TRIO: variants seen among roughly 807,000 people sequenced by gnomAD.
The protein encoded by TRIO is triple functional domain protein.
In TRIO, 58 loss-of-function variants were observed where a neutral mutation model predicts 351.9. That is an observed-to-expected ratio of 0.16 (90% CI 0.13 to 0.21). TRIO has a LOEUF of 0.21. Among genes scored for constraint, TRIO ranks in the 10% least tolerant of loss-of-function variants. The probability of loss-of-function intolerance (pLI) is 1.00; values close to 1 mark genes in which losing one functional copy is unlikely to be tolerated. For synonymous variants in TRIO, 1,758 were observed against 1,595.7 expected, an observed-to-expected ratio of 1.10 and a Z score of -2.42; for missense variants, 3,201 against 4,027.8, an observed-to-expected ratio of 0.79 and a Z score of 5.56.
intron 8 of TRIO, 24 bp downstream of exon 8, chr5:14,304,616 T>C (rs781295961): frequency 6.3e-7 from 1 of 1,599,168 alleles, no homozygotes; most frequent in Non-Finnish European, 8.5e-7. Flanking sequence ...TTTACTTACA[T>C]TGCAAAGCAG....
At chr5:14,481,307 G>A (rs1755493920) in intron 44 of TRIO, 23 bp downstream of exon 44, 1 of 1,611,986 alleles carries the variant, frequency 6.2e-7, no homozygotes, top group Admixed American at 1.7e-5. Context: ...GCGGCTGTGG[G>A]CACCCAAATC....
chr5:14,504,397 A>C lies in TRIO; in HGVS notation c.8416A>C (p.Arg2806=). 6.2e-7 allele frequency: 1 copy of C among 1,614,174 alleles called. No individual in the cohort carries two copies. The highest frequency in any genetic ancestry group is 1.1e-5 in the South Asian group (1 of 91,078). Reference sequence around the variant, plus strand: ...TCCCCCTGACATATTTTACAGGGGCAGATTCTCTGTCGTTAAGAAATGTGA... The same window carrying C: ...TCCCCCTGACATATTTTACAGGGGCCGATTCTCTGTCGTTAAGAAATGTGA... ...YSEVAELGRG[R]FSVVKKCDQK... The change falls in exon 55 of 57, where the codon AGA becomes CGA. Residue 2806 remains arginine (R), a synonymous_variant. Transcript: ENST00000344204.
chr5:14,510,125 A>T lies in TRIO; in HGVS notation c.*1703A>T, dbSNP rs1184547165. On this transcript the variant is annotated 3_prime_UTR_variant, in exon 57 of 57. Transcript: ENST00000344204. ...GTATATTTCTTTGTACAGAGACCTTACATGTTTACACAGTATGATGTGATG... is the reference window on the plus strand; with the variant it reads ...GTATATTTCTTTGTACAGAGACCTTTCATGTTTACACAGTATGATGTGATG... 6.6e-6 allele frequency: 1 copy of T among 152,232 alleles called. No homozygotes were observed. The highest frequency in any genetic ancestry group is 1.5e-5 in the Non-Finnish European group (1 of 68,042). The allele number at this position is 152,232 out of a possible 1,614,324, so 9.4% of individuals were successfully genotyped here.
intron 8 of TRIO, among the ~76,000 whole-genome samples, chr5:14,305,139 T>TCTGTTCCTG (rs773733005): frequency 1.7e-4 from 26 of 152,358 alleles, no homozygotes; most frequent in Non-Finnish European, 3.1e-4. Flanking sequence ...ACGTACTGTA[T>TCTGTTCCTG]CTGTTCCTGC....
At chr5:14,408,541 C>T (rs1748914436) in intron 33 of TRIO, among the ~76,000 whole-genome samples, 1 of 152,194 alleles carries the variant, frequency 6.6e-6, no homozygotes. Flanking sequence ...TAGCATTTCT[C>T]TCCGAGACCC....
chr5:14,454,025 G>A (rs1295639511), intron 34 of TRIO, among the ~76,000 whole-genome samples: 1 of 152,210 alleles, frequency 6.6e-6, no homozygotes, highest in East Asian at 1.9e-4. Flanking sequence ...TGCCTCCTGG[G>A]TTCAAGCGAC....
chr5:14,307,779 C>T (rs1161531107), intron 8 of TRIO, among the ~76,000 whole-genome samples: 1 of 152,230 alleles, frequency 6.6e-6, no homozygotes, highest in Non-Finnish European at 1.5e-5. Flanking sequence ...CTGCCCATAG[C>T]AGCCACCACT....
At chr5:14,236,967 T>C (rs1375720158) in intron 1 of TRIO, among the ~76,000 whole-genome samples, 1 of 152,174 alleles carries the variant, frequency 6.6e-6, no homozygotes, top group African/African-American at 2.4e-5. Context: ...TCTCAGCCTC[T>C]CCTGTTACAC....
At chr5:14,280,085 GA>G (rs1581515535) in intron 2 of TRIO, among the ~76,000 whole-genome samples, 1 of 152,276 alleles carries the variant, frequency 6.6e-6, no homozygotes, top group East Asian at 1.9e-4. Flanking sequence ...AACATTGGAA[GA>G]AAAAGACAAG....
chr5:14,472,525 G>A lies in TRIO; in HGVS notation c.5913-67G>A, dbSNP rs1279615505. Reference sequence around the variant, plus strand: ...CCTGGAAGGAGTCCATCTTGACCAGGAGCAAAGGTACAAAAAAATTCATTT... The same window carrying A: ...CCTGGAAGGAGTCCATCTTGACCAGAAGCAAAGGTACAAAAAAATTCATTT... On this transcript the variant is annotated intron_variant, in intron 38 of 56. Transcript: ENST00000344204. The A allele has an allele frequency of 1.6e-5, 25 of 1,561,130 alleles. No individual in the cohort carries two copies. The East Asian group carries it at 5.4e-4, about 34-fold the overall frequency.
rs1251161492 is a variant in TRIO, at chr5:14,388,594, C to G, written c.3882-19C>G. The G allele has an allele frequency of 6.2e-7, 1 of 1,608,844 alleles. No homozygotes were observed. The highest frequency in any genetic ancestry group is 1.1e-5 in the South Asian group (1 of 90,306). ...AGCTGCACCCTGACTGTACTCCTCA[C>G]TGTCTTCCTCTCTTTAAGGTTCATA... On this transcript the variant is annotated intron_variant, in intron 23 of 56. Coordinates refer to ENST00000344204, the MANE Select transcript of TRIO (RefSeq NM_007118.4).
chr5:14,452,337 G>T (rs1025140396), intron 34 of TRIO, among the ~76,000 whole-genome samples: 12 of 152,202 alleles, frequency 7.9e-5, no homozygotes, highest in African/African-American at 2.9e-4. Flanking sequence ...CTCATACTGT[G>T]TTAGGCTATA....
intron 1 of TRIO, among the ~76,000 whole-genome samples, chr5:14,189,265 T>C (rs1790318481): frequency 6.6e-6 from 1 of 152,222 alleles, no homozygotes; most frequent in Admixed American, 6.5e-5. Context: ...CTGTCCACTT[T>C]TGAATACATG....
At chr5:14,400,214 A>G (rs529085249) in intron 30 of TRIO, among the ~76,000 whole-genome samples, 20 of 152,372 alleles carry the variant, frequency 1.3e-4, no homozygotes, top group Admixed American at 1.3e-3. Flanking sequence ...TAGTAATTTC[A>G]TTAGCTGGCT....
At chr5:14,267,828 G>A (rs1014072896) in intron 1 of TRIO, among the ~76,000 whole-genome samples, 1 of 151,838 alleles carries the variant, frequency 6.6e-6, no homozygotes, top group Admixed American at 6.6e-5. Flanking sequence ...CCACAATAAT[G>A]ACAAACTCAA....
intron 1 of TRIO, among the ~76,000 whole-genome samples, chr5:14,243,715 A>G (rs983789386): frequency 2.6e-5 from 4 of 152,232 alleles, no homozygotes; most frequent in Non-Finnish European, 4.4e-5. Context: ...AGGTGCATTA[A>G]AAGACCATAT....
intron 21 of TRIO, among the ~76,000 whole-genome samples, chr5:14,385,158 G>A (rs1000174638): frequency 8.5e-5 from 13 of 152,166 alleles, no homozygotes; most frequent in African/African-American, 1.9e-4. Flanking sequence ...AGAGGCCTCC[G>A]GTGGCATCTT....
chr5:14,156,954 A>G (rs781097521), intron 1 of TRIO, among the ~76,000 whole-genome samples: 1 of 152,250 alleles, frequency 6.6e-6, no homozygotes, highest in Non-Finnish European at 1.5e-5. Context: ...TTAATTTCAT[A>G]CAGTTTATAA....
chr5:14,258,827 G>T (rs2152257142), intron 1 of TRIO, among the ~76,000 whole-genome samples: 1 of 152,328 alleles, frequency 6.6e-6, no homozygotes, highest in East Asian at 1.9e-4. Context: ...AGTTGGAGCT[G>T]CTTCTGTGGG....
Sources: gnomAD v4.1 joint callset for allele counts (sites outside exome capture counted in the v4.1 genomes callset) on GRCh38, gnomAD v4.1.1 for gene constraint, MANE v1.5 for transcripts, NCBI Gene and HGNC (gene_info 2026-07-23, HGNC 2026-07-21) for gene names.